The following RASA2 variants were observed in gnomAD, a reference collection of about 807,000 sequenced individuals.
RASA2 encodes the protein ras GTPase-activating protein 2.
RASA2 carries 155 observed loss-of-function variants against 118.2 expected under a neutral mutation model. That is an observed-to-expected ratio of 1.31 (90% CI 1.15 to 1.50). The LOEUF (loss-of-function observed/expected upper bound fraction) is 1.50, where lower values mean the gene tolerates loss of function less well. Ranked by LOEUF, RASA2 falls within the 40% of genes most tolerant of loss-of-function variation. The pLI is 0.00. For synonymous variants in RASA2, 353 were observed against 349.1 expected, an observed-to-expected ratio of 1.01 and a Z score of -0.12; for missense variants, 1,016 against 1,009.6, an observed-to-expected ratio of 1.01 and a Z score of -0.09.
At chr3:141,596,427 A>T (rs1013541467) in intron 19 of RASA2, among the ~76,000 whole-genome samples, 1 of 152,324 alleles carries the variant, frequency 6.6e-6, no homozygotes, top group Admixed American at 6.5e-5. Context: ...TTTATAGGTT[A>T]GGCAAAGATT....
At chr3:141,597,020 C>T (rs2083384223) in intron 19 of RASA2, among the ~76,000 whole-genome samples, 1 of 152,144 alleles carries the variant, frequency 6.6e-6, no homozygotes. Flanking sequence ...GCGTTATTCA[C>T]AATAGCCAAA....
At chr3:141,534,858 A>C (rs1024978209) in intron 4 of RASA2, among the ~76,000 whole-genome samples, 1 of 152,124 alleles carries the variant, frequency 6.6e-6, no homozygotes, top group Non-Finnish European at 1.5e-5. Context: ...AACTGCCATT[A>C]ATATAAGAGA....
chr3:141,494,282 T>A (rs761558741), intron 1 of RASA2, among the ~76,000 whole-genome samples: 1 of 152,288 alleles, frequency 6.6e-6, no homozygotes, highest in African/African-American at 2.4e-5. Context: ...TCACCAGCAA[T>A]GTATGACTGC....
At chr3:141,583,701 C>G (rs1464393689) in intron 17 of RASA2, among the ~76,000 whole-genome samples, 1 of 152,100 alleles carries the variant, frequency 6.6e-6, no homozygotes, top group Non-Finnish European at 1.5e-5. Flanking sequence ...TTTCAAAACT[C>G]CTTAAGTCTG....
chr3:141,497,717 A>C (rs185938627), intron 1 of RASA2, among the ~76,000 whole-genome samples: 2,043 of 151,838 alleles, frequency 0.013, 60 homozygotes, highest in African/African-American at 0.046. Context: ...AAAAAAAAAA[A>C]ATGCCAGGCA....
chr3:141,490,347 A>C (rs964464379), intron 1 of RASA2, among the ~76,000 whole-genome samples: 5 of 152,012 alleles, frequency 3.3e-5, no homozygotes, highest in South Asian at 2.1e-4. Context: ...AAAAAAAAAA[A>C]AAAAAAAAAA....
intron 19 of RASA2, among the ~76,000 whole-genome samples, chr3:141,587,089 T>C (rs1053950714): frequency 1.3e-5 from 2 of 152,198 alleles, no homozygotes; most frequent in Admixed American, 1.3e-4. Context: ...GAGGCAAAAT[T>C]AGCAAGATTC....
chr3:141,607,829 G>C lies in RASA2; in HGVS notation c.2016+69G>C, dbSNP rs200866356. 368 of 1,420,096 alleles carry C rather than the reference G, an allele frequency of 2.6e-4. 3 individuals are homozygous for C. In the East Asian group the frequency reaches 7.6e-3, roughly 29 times the overall value. 88.0% of individuals were successfully genotyped at this position (1,420,096 alleles called of 1,614,324 possible). A position where few individuals can be genotyped will look rare whatever the true frequency, so the allele number is the denominator to read the frequency against. ...TATTACTTAAGTATTTGTATTTCGA[G>C]GTATTTGTTAATACCTTGTATTTGT... On this transcript the variant is annotated intron_variant, in intron 20 of 23. Transcript: ENST00000286364.
chr3:141,506,421 T>G (rs1391608061), intron 1 of RASA2, among the ~76,000 whole-genome samples: 1 of 152,258 alleles, frequency 6.6e-6, no homozygotes, highest in Non-Finnish European at 1.5e-5. Flanking sequence ...ATAAAAACAT[T>G]TCTTCCTTTC....
At chr3:141,517,211 T>C (rs1158647195) in intron 3 of RASA2, among the ~76,000 whole-genome samples, 3 of 152,264 alleles carry the variant, frequency 2.0e-5, no homozygotes, top group African/African-American at 7.2e-5. Flanking sequence ...GTTTTTCTAA[T>C]AGAAGTAATA....
Position 141,573,974 on chromosome 3 carries a change from T to C in RASA2, c.1390T>C (p.Phe464Leu), listed in dbSNP as rs2082966827. Reference protein sequence around the residue: ...ENLRYYVDKLFNTIVKSSMSC... With the variant: ...ENLRYYVDKLLNTIVKSSMSC... ...TCTGCGCTACTATGTAGACAAGTTA[T>C]TCAATACAATTGTAAAATCAAGTAT... Residue 464 changes from phenylalanine (F) to leucine (L), a missense_variant, in exon 14 of 24, where the codon TTC becomes CTC. By Grantham distance (22) the Phe-to-Leu change is conservative (BLOSUM62 0). Around this residue, in one of 2 missense-constraint regions of RASA2, gnomAD observed 896 missense variants for 836.4 expected, o/e 1.07. Transcript: ENST00000286364. 1 of 1,589,780 alleles carries C rather than the reference T, an allele frequency of 6.3e-7. No individual in the cohort carries two copies. Among genetic ancestry groups the C allele is most frequent in the Admixed American group, 1.7e-5 (1 of 58,358 alleles).
chr3:141,599,241 G>GT (rs577049346), intron 19 of RASA2, among the ~76,000 whole-genome samples: 2,103 of 117,740 alleles, frequency 0.018, 29 homozygotes, highest in South Asian at 0.055. Flanking sequence ...TGTTTTTTGG[G>GT]TTTTTTTTTT....
rs2083208253 is a variant in RASA2 at position 141,586,695 on chromosome 3, T to A, written c.1876T>A (p.Phe626Ile). ...QGRTRIGKKNFKKRWFCLTSR... is the reference protein window; with the variant it reads ...QGRTRIGKKNIKKRWFCLTSR... Reference sequence around the variant, plus strand: ...AAGAACTCGGATTGGAAAAAAGAATTTTAAGAAACGATGGTTCTGCTTAAC... The same window carrying A: ...AAGAACTCGGATTGGAAAAAAGAATATTAAGAAACGATGGTTCTGCTTAAC... Residue 626 changes from phenylalanine to isoleucine, a missense_variant, in exon 19 of 24, where the codon TTT becomes ATT. By Grantham distance (21) the Phe-to-Ile change is conservative (BLOSUM62 0). Coordinates refer to ENST00000286364, the MANE Select transcript of RASA2 (RefSeq NM_006506.5). The A allele has an allele frequency of 6.2e-7, 1 of 1,613,538 alleles. No homozygotes were observed. Among genetic ancestry groups the A allele is most frequent in the Non-Finnish European group, 8.5e-7 (1 of 1,179,758 alleles).
rs777913288 is a variant in RASA2, at chr3:141,487,191, G to A, written c.108G>A (p.Val36=). 4.8e-6 allele frequency: 7 copies of A among 1,457,350 alleles called. No individual in the cohort carries two copies. In the East Asian group the frequency reaches 1.5e-4, roughly 31 times the overall value. 90.3% of individuals were successfully genotyped at this position (1,457,350 alleles called of 1,614,324 possible). A position where few individuals can be genotyped will look rare whatever the true frequency, so the allele number is the denominator to read the frequency against. ...AGDQDSREVR[V]LQSLRGKICE... ...ACCAGGACAGTCGCGAGGTTCGAGT[G>A]TTGCAGAGCCTGCGGGGCAAGATCT... The change falls in exon 1 of 24, where the codon GTG becomes GTA. Residue 36 remains valine (V), a synonymous_variant. Transcript: ENST00000286364.
Position 141,526,829 on chromosome 3 carries a change from G to A in RASA2, c.356-2879G>A, listed in dbSNP as rs540367382. 2.6e-5 allele frequency among the ~76,000 whole-genome samples: 4 copies of A among 152,258 alleles called. No individual in the cohort carries two copies. In the East Asian group the frequency reaches 7.7e-4, roughly 29 times the overall value. ...GTCAGAGAAGGGTTTCCCTCTCATA[G>A]GACAAGAAACATTCAACTCTTCAGT... On this transcript the variant is annotated intron_variant, in intron 3 of 23. Transcript: ENST00000286364.
intron 1 of RASA2, 106 bp from the exon 2 acceptor site, chr3:141,512,057 T>C (rs183729772): frequency 9.7e-6 from 7 of 724,736 alleles, no homozygotes; most frequent in East Asian, 5.7e-5. Flanking sequence ...TTTTTTTTTT[T>C]CTGTGCCACA....
At chr3:141,608,413 A>G in intron 20 of RASA2, 76 bp from the exon 21 acceptor site, 2 of 1,371,056 alleles carry the variant, frequency 1.5e-6, no homozygotes, top group Non-Finnish European at 2.1e-6. Flanking sequence ...TCCTTTAGGT[A>G]CTTTTCTTCT....
intron 1 of RASA2, among the ~76,000 whole-genome samples, chr3:141,489,872 G>A (rs918549315): frequency 2.6e-5 from 4 of 151,788 alleles, no homozygotes; most frequent in Non-Finnish European, 5.9e-5. Flanking sequence ...ACAAAAAGTG[G>A]TAACCAAAAA....
At position 141,524,788 on chromosome 3, in the gene RASA2, A is replaced by T. The variant is rs571714198; in HGVS notation, c.356-4920A>T. Among the ~76,000 whole-genome samples, 4 of 152,030 alleles carry T rather than the reference A, an allele frequency of 2.6e-5. No individual in the cohort carries two copies. The East Asian group carries it at 5.8e-4, about 22-fold the overall frequency. ...TGTATTTTAGTAGAGATGGGGTTTC[A>T]CCGTGTTGCCCAGGCTAGTCTCAAA... On this transcript the variant is annotated intron_variant, in intron 3 of 23. Transcript: ENST00000286364.
Sources: allele counts gnomAD v4.1 joint callset (sites outside exome capture counted in the v4.1 genomes callset), GRCh38; gene constraint gnomAD v4.1.1; regional missense constraint gnomAD v4.1.1; transcripts MANE v1.5; gene names NCBI Gene and HGNC (gene_info 2026-07-23, HGNC 2026-07-21).